The following RAB1A variants were observed in gnomAD, a reference collection of about 807,000 sequenced individuals.
The protein encoded by RAB1A is RAB1A, member RAS oncogene family.
A neutral mutation model predicts 26.0 loss-of-function variants in RAB1A; 2 were observed. That is an observed-to-expected ratio of 0.08 (90% CI 0.03 to 0.24). The LOEUF (loss-of-function observed/expected upper bound fraction) is 0.24. Among genes scored for constraint, RAB1A ranks in the 10% least tolerant of loss-of-function variants. RAB1A has a pLI of 1.00. For missense variants in RAB1A, 100 were observed against 247.0 expected (o/e 0.40, Z 3.99); for synonymous variants, 84 against 84.9 (o/e 0.99, Z 0.06).
intron 1 of RAB1A, among the ~76,000 whole-genome samples, chr2:65,126,996 C>T (rs1308369843): frequency 1.3e-5 from 2 of 152,150 alleles, no homozygotes; most frequent in Non-Finnish European, 1.5e-5. Flanking sequence ...TTCCTCTCAC[C>T]CTAAGTAATT....
chr2:65,118,031 GT>G (rs1669864904), intron 1 of RAB1A, among the ~76,000 whole-genome samples: 1 of 152,128 alleles, frequency 6.6e-6, no homozygotes, highest in African/African-American at 2.4e-5. Context: ...CTGTTTCCTT[GT>G]TTGTAAAACT....
At chr2:65,123,093 A>AAC (rs34280674) in intron 1 of RAB1A, among the ~76,000 whole-genome samples, 151,493 of 151,538 alleles carry the variant, frequency 1, 75,724 homozygotes, top group Middle Eastern at 1. Flanking sequence ...CAGAAGAGAA[A>AAC]ACACACACAT....
At chr2:65,095,435 G>C (rs945324258) in intron 3 of RAB1A, among the ~76,000 whole-genome samples, 1 of 151,686 alleles carries the variant, frequency 6.6e-6, no homozygotes, top group African/African-American at 2.4e-5. Flanking sequence ...CTGCAGCCTT[G>C]AAGTCCTGGG....
chr2:65,123,809 G>T (rs2103884593), intron 1 of RAB1A, among the ~76,000 whole-genome samples: 1 of 151,238 alleles, frequency 6.6e-6, no homozygotes, highest in Non-Finnish European at 1.5e-5. Flanking sequence ...GACAAAGTGA[G>T]ACTCTGTCTC....
chr2:65,100,036 G>T (rs950365710), intron 2 of RAB1A, among the ~76,000 whole-genome samples: 7 of 152,052 alleles, frequency 4.6e-5, no homozygotes, highest in African/African-American at 1.7e-4. Context: ...AAAAGACTAA[G>T]CAAGAAAACA....
intron 1 of RAB1A, 64 bp downstream of exon 1, chr2:65,129,829 G>A: frequency 1.9e-6 from 3 of 1,558,222 alleles, no homozygotes; most frequent in Non-Finnish European, 2.6e-6. Flanking sequence ...AACCCTCCTC[G>A]ACCCCTTTAA....
chr2:65,113,489 C>G (rs1669751425), intron 1 of RAB1A, among the ~76,000 whole-genome samples: 1 of 151,820 alleles, frequency 6.6e-6, no homozygotes. Flanking sequence ...CTAGCCTAGG[C>G]AACAAGAGTG....
rs529252373 is a variant in RAB1A at position 65,130,035 on chromosome 2, G to C, written c.-120C>G. 6 of 1,116,854 alleles carry C rather than the reference G, an allele frequency of 5.4e-6. No homozygotes were observed. The highest frequency in any genetic ancestry group is 5.3e-5 in the South Asian group (4 of 75,122). 69.2% of individuals were successfully genotyped at this position (1,116,854 alleles called of 1,614,324 possible). ...GATAGGCTGTTCCGGGAGAGCAAAC[G>C]TCTTCCCCTACTCCGTCCCCTAGAA... is the stretch of plus-strand genomic sequence containing the variant. On this transcript the variant is annotated 5_prime_UTR_variant, in exon 1 of 6. Coordinates refer to ENST00000409784, the MANE Select transcript of RAB1A (RefSeq NM_004161.5).
At chr2:65,099,136 C>T (rs1452292591) in intron 2 of RAB1A, among the ~76,000 whole-genome samples, 1 of 152,008 alleles carries the variant, frequency 6.6e-6, no homozygotes, top group African/African-American at 2.4e-5. Context: ...CATGCCTGGC[C>T]CATTTTATTG....
chr2:65,114,019 G>A (rs1471666839), intron 1 of RAB1A: 1 of 286,022 alleles, frequency 3.5e-6, no homozygotes, highest in Middle Eastern at 4.3e-4. Flanking sequence ...TTCAGCATAT[G>A]TCAGCACAGC....
Position 65,087,017 on chromosome 2 carries a change from TTG to T in RAB1A, c.*1474_*1475del, listed in dbSNP as rs1669048176. The T allele has an allele frequency of 1.3e-5, 2 of 152,296 alleles. No homozygotes were observed. The highest frequency in any genetic ancestry group is 1.5e-5 in the Non-Finnish European group (1 of 68,046). The allele number at this position is 152,296 out of a possible 1,614,324, so 9.4% of individuals were successfully genotyped here. A position where few individuals can be genotyped will look rare whatever the true frequency, so the allele number is the denominator to read the frequency against. ...TTAAAAAAACCTATTCATTTTTGGC[TTG>T]TGTTTAGCTTAAATTTTATCATTAA... On this transcript the variant is annotated 3_prime_UTR_variant, in exon 6 of 6. Coordinates refer to ENST00000409784, the MANE Select transcript of RAB1A (RefSeq NM_004161.5).
rs59507384 is a variant in RAB1A at position 65,108,056 on chromosome 2, CA to C, written c.24-3251del. On this transcript the variant is annotated intron_variant, in intron 1 of 5. Transcript: ENST00000409784. ...TCCAGCACGGGCAAAAGAGGAGTCTCAAAAAAAAAAAAAAAATCAACAACTC... is the reference window on the plus strand; with the variant it reads ...TCCAGCACGGGCAAAAGAGGAGTCTCAAAAAAAAAAAAAAATCAACAACTC... 3.0e-3 allele frequency among the ~76,000 whole-genome samples: 385 copies of C among 127,148 alleles called. 1 individual carries two copies. The highest frequency in any genetic ancestry group is 8.9e-3 in the African/African-American group (287 of 32,362). The allele number at this position is 127,148 out of a possible 152,430, so 83.4% of individuals were successfully genotyped here.
At chr2:65,104,369 CTT>C (rs1558580703) in intron 2 of RAB1A, among the ~76,000 whole-genome samples, 2 of 152,122 alleles carry the variant, frequency 1.3e-5, no homozygotes, top group East Asian at 1.9e-4. Flanking sequence ...CCTGGCTCTG[CTT>C]TTTCTTCTTA....
chr2:65,119,313 G>A (rs1003418381), intron 1 of RAB1A, among the ~76,000 whole-genome samples: 1 of 151,944 alleles, frequency 6.6e-6, no homozygotes, highest in Non-Finnish European at 1.5e-5. Context: ...CGAGACCAGC[G>A]TGGTCAACAT....
chr2:65,128,481 C>T (rs1670156175), intron 1 of RAB1A, among the ~76,000 whole-genome samples: 1 of 152,164 alleles, frequency 6.6e-6, no homozygotes, highest in South Asian at 2.1e-4. Flanking sequence ...TTTTTTTAAA[C>T]TGTCAACACA....
intron 5 of RAB1A, 41 bp from the exon 6 acceptor site, chr2:65,088,731 T>C: frequency 6.6e-7 from 1 of 1,508,486 alleles, no homozygotes; most frequent in East Asian, 2.4e-5. Flanking sequence ...GAAAAATCTT[T>C]TTCACTAATT....
intron 2 of RAB1A, among the ~76,000 whole-genome samples, chr2:65,100,633 G>T (rs111945092): frequency 1.3e-5 from 2 of 151,334 alleles, no homozygotes; most frequent in Non-Finnish European, 2.9e-5. Context: ...GATGGCACAC[G>T]CCTGTAAACC....
At chr2:65,121,608 AT>A (rs1214869515) in intron 1 of RAB1A, among the ~76,000 whole-genome samples, 1 of 152,152 alleles carries the variant, frequency 6.6e-6, no homozygotes, top group Non-Finnish European at 1.5e-5. Flanking sequence ...TCCCCTGAAT[AT>A]CATTCCACCA....
chr2:65,128,144 A>G (rs2103893256), intron 1 of RAB1A, among the ~76,000 whole-genome samples: 1 of 152,264 alleles, frequency 6.6e-6, no homozygotes, highest in East Asian at 1.9e-4. Context: ...ACGGTTTTTC[A>G]AATTCTTTTA....
Sources: gnomAD v4.1 joint callset for allele counts (sites outside exome capture counted in the v4.1 genomes callset) on GRCh38, gnomAD v4.1.1 for gene constraint, MANE v1.5 for transcripts, NCBI Gene and HGNC (gene_info 2026-07-23, HGNC 2026-07-21) for gene names.